Variants in FGF12 observed in about 807,000 individuals in gnomAD.
FGF12 encodes fibroblast growth factor 12.
In FGF12, 14 loss-of-function variants were observed where a neutral mutation model predicts 23.6. That is an observed-to-expected ratio of 0.59 (90% CI 0.39 to 0.93). The LOEUF (loss-of-function observed/expected upper bound fraction) is 0.93, where lower values mean the gene tolerates loss of function less well. FGF12 is among the 40% of genes least tolerant of loss of function. FGF12 has a pLI of 0.00. For missense variants in FGF12, 175 were observed against 217.8 expected, an observed-to-expected ratio of 0.80 and a Z score of 1.24; for synonymous variants, 62 against 77.3, an observed-to-expected ratio of 0.80 and a Z score of 1.04.
Position 192,142,236 on chromosome 3 carries a change from T to C in FGF12, c.*1773A>G, listed in dbSNP as rs1410366260. On this transcript the variant is annotated 3_prime_UTR_variant, in exon 6 of 6. Transcript: ENST00000445105. ...TAACCTCTAGATAACAGAAATAGGA[T>C]ACCTGGTGAAGGATATGGTCCACTA... The C allele has an allele frequency of 6.6e-6, 1 of 152,562 alleles. No homozygotes were observed. Among genetic ancestry groups the C allele is most frequent in the Non-Finnish European group, 1.5e-5 (1 of 67,962 alleles). The allele number at this position is 152,562 out of a possible 1,614,324, so 9.5% of individuals were successfully genotyped here. A position where few individuals can be genotyped will look rare whatever the true frequency, so the allele number is the denominator to read the frequency against.
intron 4 of FGF12, among the ~76,000 whole-genome samples, chr3:192,315,649 C>A (rs982209193): frequency 6.6e-6 from 1 of 152,116 alleles, no homozygotes; most frequent in Non-Finnish European, 1.5e-5. Context: ...ACCCAATAAA[C>A]ATTCAAATAT....
At chr3:192,522,222 C>CG (rs1724839240) in intron 2 of FGF12, among the ~76,000 whole-genome samples, 3 of 147,788 alleles carry the variant, frequency 2.0e-5, no homozygotes, top group African/African-American at 2.6e-5. Context: ...CAAAAAAAAA[C>CG]GGGGGGGACT....
At chr3:192,596,094 A>AAATATAATATAATATAATATAATAT (rs58052704) in intron 2 of FGF12, among the ~76,000 whole-genome samples, 30 of 99,478 alleles carry the variant, frequency 3.0e-4, no homozygotes, top group South Asian at 5.9e-4. Flanking sequence ...CCTGACTCAA[A>AAATATAATATAATATAATATAATAT]AATATAATAT....
At chr3:192,392,620 GAGAGAGAGAGAGA>G in intron 2 of FGF12, among the ~76,000 whole-genome samples, 2 of 119,132 alleles carry the variant, frequency 1.7e-5, no homozygotes, top group African/African-American at 6.2e-5. Flanking sequence ...GAGAGAGAGA[GAGAGAGAGAGAGA>G]GGAAGGGAGG....
intron 2 of FGF12, among the ~76,000 whole-genome samples, chr3:192,640,212 T>C (rs906764274): frequency 6.6e-6 from 1 of 152,028 alleles, no homozygotes; most frequent in Non-Finnish European, 1.5e-5. Context: ...CTCTTGACAT[T>C]AACAAACAAA....
chr3:192,234,594 T>C (rs922830857), intron 4 of FGF12, among the ~76,000 whole-genome samples: 1 of 152,098 alleles, frequency 6.6e-6, no homozygotes, highest in Non-Finnish European at 1.5e-5. Flanking sequence ...GTGGTGAGAG[T>C]GGGCATCTTT....
chr3:192,672,679 A>G (rs1241630574), intron 2 of FGF12, among the ~76,000 whole-genome samples: 1 of 150,852 alleles, frequency 6.6e-6, no homozygotes, highest in Non-Finnish European at 1.5e-5. Flanking sequence ...CCCTTTATTG[A>G]CCCATTTGCT....
intron 2 of FGF12, among the ~76,000 whole-genome samples, chr3:192,512,681 C>T (rs1288811010): frequency 6.6e-6 from 1 of 151,042 alleles, no homozygotes; most frequent in Non-Finnish European, 1.5e-5. Flanking sequence ...CCGTATATTA[C>T]CTCTGTCTGT....
intron 2 of FGF12, among the ~76,000 whole-genome samples, chr3:192,368,664 A>C (rs1316331955): frequency 6.6e-6 from 1 of 152,124 alleles, no homozygotes; most frequent in East Asian, 1.9e-4. Context: ...TTTGTTAATA[A>C]AGTTTTTTTT....
At chr3:192,377,981 C>T (rs957536337) in intron 2 of FGF12, among the ~76,000 whole-genome samples, 1 of 142,052 alleles carries the variant, frequency 7.0e-6, no homozygotes, top group Non-Finnish European at 1.5e-5. Flanking sequence ...TCTGGTATTA[C>T]GCATTGATCA....
At chr3:192,553,868 G>C (rs1481302054) in intron 2 of FGF12, among the ~76,000 whole-genome samples, 1 of 152,174 alleles carries the variant, frequency 6.6e-6, no homozygotes, top group Non-Finnish European at 1.5e-5. Context: ...AAAAGGGCCA[G>C]GTTGGGGACC....
intron 4 of FGF12, among the ~76,000 whole-genome samples, chr3:192,259,910 T>C (rs1334400530): frequency 1.3e-5 from 2 of 152,158 alleles, no homozygotes; most frequent in Non-Finnish European, 2.9e-5. Flanking sequence ...GCTGATCTCG[T>C]AGGTGGGATT....
intron 4 of FGF12, among the ~76,000 whole-genome samples, chr3:192,239,343 G>C (rs949305949): frequency 2.6e-5 from 4 of 152,168 alleles, no homozygotes; most frequent in Non-Finnish European, 5.9e-5. Context: ...TTCCATTAAA[G>C]AAGTAGGAAC....
At chr3:192,168,757 G>C (rs775299004) in intron 5 of FGF12, among the ~76,000 whole-genome samples, 1 of 152,142 alleles carries the variant, frequency 6.6e-6, no homozygotes, top group African/African-American at 2.4e-5. Flanking sequence ...AGGGAGATAT[G>C]AAGAAAAATA....
At chr3:192,314,402 C>T (rs1716122244) in intron 4 of FGF12, among the ~76,000 whole-genome samples, 2 of 152,098 alleles carry the variant, frequency 1.3e-5, no homozygotes, top group Non-Finnish European at 2.9e-5. Flanking sequence ...GTAAAATCTA[C>T]TGGAACTTCT....
At chr3:192,148,850 T>C (rs1713876110) in intron 5 of FGF12, among the ~76,000 whole-genome samples, 1 of 152,244 alleles carries the variant, frequency 6.6e-6, no homozygotes, top group Non-Finnish European at 1.5e-5. Flanking sequence ...GAAAATATTC[T>C]AGGACTGTGC....
At chr3:192,406,201 AT>A (rs1183368311) in intron 2 of FGF12, among the ~76,000 whole-genome samples, 1 of 151,928 alleles carries the variant, frequency 6.6e-6, no homozygotes, top group East Asian at 1.9e-4. Flanking sequence ...CCCATGCAAA[AT>A]GAAGCCATGC....
intron 2 of FGF12, among the ~76,000 whole-genome samples, chr3:192,396,438 A>G (rs1720521864): frequency 6.6e-6 from 1 of 152,254 alleles, no homozygotes; most frequent in Non-Finnish European, 1.5e-5. Context: ...TGCTACCAGC[A>G]TTGGGCAATG....
At chr3:192,716,500 T>G (rs1213630813) in intron 2 of FGF12, among the ~76,000 whole-genome samples, 1 of 152,338 alleles carries the variant, frequency 6.6e-6, no homozygotes, top group African/African-American at 2.4e-5. Context: ...TTAACTACAT[T>G]GTTTTAAACT....
Sources: allele counts gnomAD v4.1 joint callset (sites outside exome capture counted in the v4.1 genomes callset), GRCh38; gene constraint gnomAD v4.1.1; transcripts MANE v1.5; gene names NCBI Gene and HGNC (gene_info 2026-07-23, HGNC 2026-07-21).